Variants in PDGFD observed in about 807,000 individuals in gnomAD.
PDGFD encodes platelet derived growth factor D.
PDGFD carries 30 observed loss-of-function variants against 44.7 expected under a neutral mutation model. The ratio of observed to expected loss-of-function variants is 0.67; its 90% CI spans 0.50 to 0.91. The LOEUF is 0.91. PDGFD is among the 40% of genes least tolerant of loss of function. The probability of loss-of-function intolerance (pLI) is 0.00; values close to 1 mark genes in which losing one functional copy is unlikely to be tolerated. For missense variants in PDGFD, 445 were observed against 457.8 expected (o/e 0.97, Z 0.25); for synonymous variants, 173 against 168.4 (o/e 1.03, Z -0.21).
At chr11:104,122,059 A>C (rs1861785395) in intron 1 of PDGFD, among the ~76,000 whole-genome samples, 1 of 151,994 alleles carries the variant, frequency 6.6e-6, no homozygotes, top group Non-Finnish European at 1.5e-5. Flanking sequence ...GTGAGGGTAA[A>C]AGAGTCCTTA....
chr11:103,993,963 G>A lies in PDGFD; in HGVS notation c.510+2102C>T, dbSNP rs567078607. Reference sequence around the variant, plus strand: ...CACAAAATTGAATATACTGGTGGAGGTAAATAAGCCAGGAGAGTGATGCCA... The same window carrying A: ...CACAAAATTGAATATACTGGTGGAGATAAATAAGCCAGGAGAGTGATGCCA... On this transcript the variant is annotated intron_variant, in intron 3 of 6. Transcript: ENST00000393158. 3.9e-5 allele frequency among the ~76,000 whole-genome samples: 6 copies of A among 152,206 alleles called. No individual in the cohort carries two copies. In the South Asian group the frequency reaches 1.2e-3, roughly 32 times the overall value.
chr11:104,078,442 A>G (rs1298397475), intron 1 of PDGFD, among the ~76,000 whole-genome samples: 1 of 152,122 alleles, frequency 6.6e-6, no homozygotes, highest in African/African-American at 2.4e-5. Context: ...CTTATCTGAC[A>G]GTTTCCCCTA....
At chr11:104,150,946 C>T (rs1862235144) in intron 1 of PDGFD, among the ~76,000 whole-genome samples, 1 of 152,146 alleles carries the variant, frequency 6.6e-6, no homozygotes, top group Admixed American at 6.5e-5. Context: ...ATTATTCAGC[C>T]ATAGGACAAA....
chr11:103,924,336 TCC>T (rs1047447457), intron 6 of PDGFD, among the ~76,000 whole-genome samples: 4 of 152,214 alleles, frequency 2.6e-5, no homozygotes, highest in Non-Finnish European at 5.9e-5. Context: ...TCTGCATTTA[TCC>T]TTGGGGTATG....
At chr11:104,076,660 T>C (rs1490822076) in intron 1 of PDGFD, among the ~76,000 whole-genome samples, 4 of 152,206 alleles carry the variant, frequency 2.6e-5, no homozygotes, top group Non-Finnish European at 4.4e-5. Context: ...ACATTCGTTC[T>C]GAAAGGCTAG....
At chr11:103,914,319 C>T (rs1210373823) in intron 6 of PDGFD, among the ~76,000 whole-genome samples, 1 of 152,152 alleles carries the variant, frequency 6.6e-6, no homozygotes, top group African/African-American at 2.4e-5. Context: ...AAGTAGCCTC[C>T]AGTGGAATGC....
At chr11:104,156,643 A>G (rs1297124476) in intron 1 of PDGFD, among the ~76,000 whole-genome samples, 1 of 152,212 alleles carries the variant, frequency 6.6e-6, no homozygotes, top group Admixed American at 6.5e-5. Flanking sequence ...TCAAAAAAAC[A>G]CACAGTATTA....
At position 104,061,671 on chromosome 11, in the gene PDGFD, G is replaced by A. The variant is rs553838019; in HGVS notation, c.125-61416C>T. Among the ~76,000 whole-genome samples the A allele has an allele frequency of 1.7e-3, 264 of 152,214 alleles. 3 individuals are homozygous for A. Among genetic ancestry groups the A allele is most frequent in the African/African-American group, 6.1e-3 (255 of 41,538 alleles). ...ATTATCCAGGCTGGAGTGCAGTGGC[G>A]TGATCTCAGCTCACTGCAACCTCGG... On this transcript the variant is annotated intron_variant, in intron 1 of 6. Coordinates refer to ENST00000393158, the MANE Select transcript of PDGFD (RefSeq NM_025208.5).
chr11:104,070,112 T>A (rs1483390454), intron 1 of PDGFD, among the ~76,000 whole-genome samples: 1 of 152,170 alleles, frequency 6.6e-6, no homozygotes, highest in African/African-American at 2.4e-5. Flanking sequence ...TTTCTCTTCA[T>A]CTTTTAGCAC....
At chr11:103,920,261 T>C (rs1287522988) in intron 6 of PDGFD, among the ~76,000 whole-genome samples, 1 of 152,254 alleles carries the variant, frequency 6.6e-6, no homozygotes, top group Non-Finnish European at 1.5e-5. Flanking sequence ...TTACTTCAAA[T>C]AGATGCGTTC....
At position 103,908,922 on chromosome 11, in the gene PDGFD, C is replaced by T. The variant is rs906249728; in HGVS notation, c.*772G>A. 1 of 152,090 alleles carries T rather than the reference C, an allele frequency of 6.6e-6. No homozygotes were observed. Among genetic ancestry groups the T allele is most frequent in the Non-Finnish European group, 1.5e-5 (1 of 68,018 alleles). 9.4% of individuals were successfully genotyped at this position (152,090 alleles called of 1,614,324 possible). On this transcript the variant is annotated 3_prime_UTR_variant, in exon 7 of 7. Transcript: ENST00000393158. Reference sequence around the variant, plus strand: ...AGCTTATACATTGTCTTTTGTAGGACTATAATAAAAAACCTTCTAAGTAAG... The same window carrying T: ...AGCTTATACATTGTCTTTTGTAGGATTATAATAAAAAACCTTCTAAGTAAG...
chr11:103,961,636 AT>A (rs148142269), intron 3 of PDGFD, among the ~76,000 whole-genome samples: 1 of 152,178 alleles, frequency 6.6e-6, no homozygotes, highest in South Asian at 2.1e-4. Flanking sequence ...CACACTTGGG[AT>A]TTTTTCTTAA....
intron 1 of PDGFD, among the ~76,000 whole-genome samples, chr11:104,114,883 T>G (rs1861610261): frequency 6.7e-6 from 1 of 149,762 alleles, no homozygotes; most frequent in South Asian, 2.1e-4. Flanking sequence ...TTTTAGGTTT[T>G]TTTTTTTGTT....
intron 1 of PDGFD, among the ~76,000 whole-genome samples, chr11:104,094,317 G>A (rs1267769471): frequency 6.6e-6 from 1 of 151,816 alleles, no homozygotes; most frequent in Non-Finnish European, 1.5e-5. Context: ...AATTCCTTGG[G>A]GACCAATCTT....
At chr11:103,922,922 A>C (rs957074549) in intron 6 of PDGFD, among the ~76,000 whole-genome samples, 1 of 152,078 alleles carries the variant, frequency 6.6e-6, no homozygotes, top group Non-Finnish European at 1.5e-5. Context: ...ACAAATAAGA[A>C]TCTGAACAAA....
At chr11:104,114,312 T>A (rs1041920783) in intron 1 of PDGFD, among the ~76,000 whole-genome samples, 1 of 150,260 alleles carries the variant, frequency 6.7e-6, no homozygotes. Context: ...TTTTTCTGCA[T>A]GTGGATGCCT....
intron 1 of PDGFD, among the ~76,000 whole-genome samples, chr11:104,145,691 CTT>C (rs1467884435): frequency 2.6e-5 from 4 of 152,046 alleles, no homozygotes; most frequent in Admixed American, 2.6e-4. Context: ...AGTTTTCTCA[CTT>C]ATATCAAACT....
chr11:103,910,689 G>T (rs973339086), intron 6 of PDGFD, among the ~76,000 whole-genome samples: 1 of 152,308 alleles, frequency 6.6e-6, no homozygotes, highest in East Asian at 1.9e-4. Context: ...GACAGACACC[G>T]AGCTAGCCGC....
chr11:104,107,130 C>T lies in PDGFD; in HGVS notation c.124+56674G>A, dbSNP rs574086988. ...ATAAAATGTGACAAAGGTTAAAAAACATTGTGATGTAATTAAAGTCCCTAA... is the reference window on the plus strand; with the variant it reads ...ATAAAATGTGACAAAGGTTAAAAAATATTGTGATGTAATTAAAGTCCCTAA... On this transcript the variant is annotated intron_variant, in intron 1 of 6. Transcript: ENST00000393158. 5.9e-5 allele frequency among the ~76,000 whole-genome samples: 9 copies of T among 152,254 alleles called. No individual in the cohort carries two copies. In the South Asian group the frequency reaches 1.2e-3, roughly 21 times the overall value.
Sources: gnomAD v4.1 joint callset for allele counts (sites outside exome capture counted in the v4.1 genomes callset) on GRCh38, gnomAD v4.1.1 for gene constraint, MANE v1.5 for transcripts, NCBI Gene and HGNC (gene_info 2026-07-23, HGNC 2026-07-21) for gene names.